The following DIP2A variants were observed in gnomAD, a reference collection of about 807,000 sequenced individuals.
DIP2A encodes the protein DIP2 acetate--CoA ligase A, also known as disco-interacting protein 2 homolog A.
Under a neutral mutation model 177.4 loss-of-function variants are expected in DIP2A, and 85 were observed. That is an observed-to-expected ratio of 0.48 (90% CI 0.40 to 0.57). The LOEUF (loss-of-function observed/expected upper bound fraction) is 0.57, where lower values mean the gene tolerates loss of function less well. DIP2A is among the 20% of genes least tolerant of loss of function. The probability of loss-of-function intolerance (pLI) is 0.00; values close to 1 mark genes in which losing one functional copy is unlikely to be tolerated. For synonymous variants in DIP2A, 886 were observed against 881.8 expected (o/e 1.00, Z -0.08); for missense variants, 1,791 against 2,100.2 (o/e 0.85, Z 2.88).
chr21:46,485,781 AG>A (rs1291305467), intron 2 of DIP2A, among the ~76,000 whole-genome samples: 1 of 152,174 alleles, frequency 6.6e-6, no homozygotes, highest in East Asian at 1.9e-4. Flanking sequence ...AATAAGAAGT[AG>A]TATCCAGAGG....
chr21:46,554,724 G>A (rs1354771040), intron 27 of DIP2A, 28 bp downstream of exon 27: 3 of 1,553,690 alleles, frequency 1.9e-6, no homozygotes, highest in Non-Finnish European at 1.7e-6. Context: ...GCGGGTCAGA[G>A]TCTGTGAGTG....
In DIP2A at chr21:46,556,848, T is replaced by C; in HGVS notation, c.3499-91T>C. 6.7e-6 allele frequency: 8 copies of C among 1,191,366 alleles called. No individual in the cohort carries two copies. Among genetic ancestry groups the C allele is most frequent in the Non-Finnish European group, 9.3e-6 (8 of 864,302 alleles). 73.8% of individuals were successfully genotyped at this position (1,191,366 alleles called of 1,614,324 possible). A position where few individuals can be genotyped will look rare whatever the true frequency, so the allele number is the denominator to read the frequency against. On this transcript the variant is annotated intron_variant, in intron 29 of 37. Coordinates refer to ENST00000417564, the MANE Select transcript of DIP2A (RefSeq NM_015151.4). The surrounding 1 kb of genome is among the most constrained non-coding windows in gnomAD (Gnocchi z 4.5). ...TGTTTGGTAGTTCGGAGCTATGGTC[T>C]AGCCATGTGAACAGCGGACACTGCC... is the stretch of plus-strand genomic sequence containing the variant.
chr21:46,492,808 A>G (rs2057092779), intron 3 of DIP2A, among the ~76,000 whole-genome samples: 1 of 152,098 alleles, frequency 6.6e-6, no homozygotes, highest in African/African-American at 2.4e-5. Context: ...AGGTGTGATG[A>G]CACATGCCCA....
intron 8 of DIP2A, among the ~76,000 whole-genome samples, chr21:46,521,456 T>G (rs1368251113): frequency 1.3e-5 from 2 of 152,234 alleles, no homozygotes; most frequent in Non-Finnish European, 2.9e-5. Flanking sequence ...CCCAAATTGC[T>G]GGGATTACAG....
chr21:46,511,603 C>T lies in DIP2A; in HGVS notation c.1091C>T (p.Thr364Ile). 2 of 1,542,270 alleles carry T rather than the reference C, an allele frequency of 1.3e-6. No homozygotes were observed. Among genetic ancestry groups the T allele is most frequent in the South Asian group, 1.3e-5 (1 of 79,482 alleles). The change falls in exon 8 of 38, where the codon ACT becomes ATT. Residue 364 changes from threonine (T) to isoleucine (I), a missense_variant. By Grantham distance (89) the Thr-to-Ile change is moderately conservative. Coordinates refer to ENST00000417564, the MANE Select transcript of DIP2A (RefSeq NM_015151.4). Reference protein sequence around the residue: ...ALDTTGKAVYTLTYGKLWSRS... With the variant: ...ALDTTGKAVYILTYGKLWSRS... Reference sequence around the variant, plus strand: ...GATACAACTGGGAAAGCCGTCTACACTCTCACCTATGGCAAGTGTTAACAG... The same window carrying T: ...GATACAACTGGGAAAGCCGTCTACATTCTCACCTATGGCAAGTGTTAACAG...
In DIP2A at chr21:46,550,546, A is replaced by G; in HGVS notation, c.2641A>G (p.Ile881Val). 6.2e-7 allele frequency: 1 copy of G among 1,612,446 alleles called. No individual in the cohort carries two copies. The highest frequency in any genetic ancestry group is 1.1e-5 in the South Asian group (1 of 90,638). ...AAACAGGGTCCTTCCCTTTCAGGCCATTGATAGCATCCACCAGGTGGGCGT... is the reference window on the plus strand; with the variant it reads ...AAACAGGGTCCTTCCCTTTCAGGCCGTTGATAGCATCCACCAGGTGGGCGT... Reference protein sequence around the residue: ...FQWMSRVLQAIDSIHQVGVYC... With the variant: ...FQWMSRVLQAVDSIHQVGVYC... The change falls in exon 23 of 38, where the codon ATT (isoleucine) becomes GTT (valine). Residue 881 changes from isoleucine to valine, a missense_variant. Transcript: ENST00000417564.
In DIP2A at chr21:46,537,887, T is replaced by C. The variant is rs956993644; in HGVS notation, c.1801+348T>C. Among the ~76,000 whole-genome samples the C allele has an allele frequency of 6.6e-6, 1 of 152,180 alleles. No individual in the cohort carries two copies. Among genetic ancestry groups the C allele is most frequent in the African/African-American group, 2.4e-5 (1 of 41,446 alleles). ...TGTGTCTCTGCCCTGTGGAGCTCAGTGGCACTTCTACCAGCCACTGAGGCA... is the reference window on the plus strand; with the variant it reads ...TGTGTCTCTGCCCTGTGGAGCTCAGCGGCACTTCTACCAGCCACTGAGGCA... On this transcript the variant is annotated intron_variant, in intron 15 of 37. Transcript: ENST00000417564. The surrounding 1 kb of genome is among the most constrained non-coding windows in gnomAD (Gnocchi z 4.1).
chr21:46,483,562 G>A lies in DIP2A; in HGVS notation c.92-1195G>A, dbSNP rs1190047146. Among the ~76,000 whole-genome samples the A allele has an allele frequency of 5.9e-5, 9 of 152,230 alleles. No individual in the cohort carries two copies. The East Asian group carries it at 1.2e-3, about 20-fold the overall frequency. On this transcript the variant is annotated intron_variant, in intron 1 of 37. Transcript: ENST00000417564. Reference sequence around the variant, plus strand: ...AGAGCAGCTGCTTGGCCCACAGGCCGTGGCTCAGGCTCTTCTTCTGTAGGA... The same window carrying A: ...AGAGCAGCTGCTTGGCCCACAGGCCATGGCTCAGGCTCTTCTTCTGTAGGA...
chr21:46,532,784 T>C (rs531893009), intron 10 of DIP2A, among the ~76,000 whole-genome samples: 1 of 152,306 alleles, frequency 6.6e-6, no homozygotes, highest in South Asian at 2.1e-4. Context: ...CTTGCTGATC[T>C]AGGTATCTGT....
intron 1 of DIP2A, chr21:46,462,499 G>T (rs1292231291): frequency 2.6e-5 from 4 of 152,168 alleles, no homozygotes; most frequent in African/African-American, 2.4e-5. Context: ...GTCACATAGT[G>T]TGTGTGAAAA....
At chr21:46,511,729 A>G in intron 8 of DIP2A, 115 bp downstream of exon 8, 1 of 1,137,216 alleles carries the variant, frequency 8.8e-7, no homozygotes, top group Non-Finnish European at 1.2e-6. Flanking sequence ...CACAGCTGGC[A>G]GATAAATAGA....
chr21:46,534,722 CAG>C, intron 13 of DIP2A, 35 bp downstream of exon 13: 1 of 1,551,092 alleles, frequency 6.4e-7, no homozygotes, highest in Non-Finnish European at 8.8e-7. Context: ...GTGGCCCCTC[CAG>C]CCTCACACAG....
At chr21:46,527,065 A>G (rs1205018084) in intron 8 of DIP2A, among the ~76,000 whole-genome samples, 1 of 152,252 alleles carries the variant, frequency 6.6e-6, no homozygotes, top group East Asian at 1.9e-4. Context: ...TCATTTTAAA[A>G]TCATGAATGA....
chr21:46,537,242 T>G lies in DIP2A; in HGVS notation c.1661T>G (p.Val554Gly), dbSNP rs2059611269. ...GYSEAETLTN[V>G]LDFKRDAGLW... ...CTTGCAGCTGAAACATTAACAAACG[T>G]GCTGGATTTCAAAAGGGATGCTGGT... is the stretch of plus-strand genomic sequence containing the variant. Residue 554 changes from valine (V) to glycine (G), a missense_variant, in exon 14 of 38, where the codon GTG becomes GGG. By Grantham distance (109) the Val-to-Gly change is moderately radical. Transcript: ENST00000417564. The surrounding 1 kb of genome is among the most constrained non-coding windows in gnomAD (Gnocchi z 4.1). 6.2e-7 allele frequency: 1 copy of G among 1,613,990 alleles called. No individual in the cohort carries two copies. Among genetic ancestry groups the G allele is most frequent in the Non-Finnish European group, 8.5e-7 (1 of 1,179,884 alleles).
rs552186819 is a variant in DIP2A, at chr21:46,481,420, A to G, written c.92-3337A>G. Among the ~76,000 whole-genome samples the G allele has an allele frequency of 6.6e-5, 10 of 152,306 alleles. 1 individual carries two copies. The South Asian group carries it at 2.1e-3, about 32-fold the overall frequency. Reference sequence around the variant, plus strand: ...ATTAAGAATAAAGTGGCTATAAACAATTGTGTACAGGTTTTTATGTGAACA... The same window carrying G: ...ATTAAGAATAAAGTGGCTATAAACAGTTGTGTACAGGTTTTTATGTGAACA... On this transcript the variant is annotated intron_variant, in intron 1 of 37. Coordinates refer to ENST00000417564, the MANE Select transcript of DIP2A (RefSeq NM_015151.4).
intron 3 of DIP2A, among the ~76,000 whole-genome samples, chr21:46,495,964 C>T (rs992590996): frequency 6.6e-6 from 1 of 151,798 alleles, no homozygotes; most frequent in Non-Finnish European, 1.5e-5. Context: ...CCCAGCTCCT[C>T]GGGAGGCTGA....
intron 2 of DIP2A, among the ~76,000 whole-genome samples, chr21:46,489,246 A>G (rs1601467587): frequency 6.6e-6 from 1 of 152,256 alleles, no homozygotes; most frequent in African/African-American, 2.4e-5. Context: ...TGTACACAGT[A>G]CTTGAACAAC....
intron 32 of DIP2A, chr21:46,559,069 C>G (rs1459514894): frequency 7.2e-6 from 1 of 138,002 alleles, no homozygotes; most frequent in African/African-American, 2.8e-5. Context: ...TGCACTCCAG[C>G]CTGGGTGACA....
chr21:46,476,872 G>A (rs565637371), intron 1 of DIP2A, among the ~76,000 whole-genome samples: 36 of 152,144 alleles, frequency 2.4e-4, no homozygotes, highest in African/African-American at 8.4e-4. Context: ...GGCCACCATG[G>A]TCTCAAACTC....
Sources: gnomAD v4.1 joint callset for allele counts (sites outside exome capture counted in the v4.1 genomes callset) on GRCh38, gnomAD v4.1.1 for gene constraint, Gnocchi (gnomAD v3.1) non-coding constraint, MANE v1.5 for transcripts, NCBI Gene and HGNC (gene_info 2026-07-23, HGNC 2026-07-21) for gene names.